MIPOL1: variants seen among roughly 807,000 people sequenced by gnomAD.
MIPOL1 encodes mirror-image polydactyly gene 1 protein.
A neutral mutation model predicts 60.9 loss-of-function variants in MIPOL1; 57 were observed. That is an observed-to-expected ratio of 0.94 (90% confidence interval 0.76 to 1.17). MIPOL1 has a LOEUF of 1.17. MIPOL1 is among the 50% of genes most tolerant of loss of function. The pLI is 0.00. For synonymous variants in MIPOL1, 179 were observed against 168.8 expected, an observed-to-expected ratio of 1.06 and a Z score of -0.47; for missense variants, 551 against 511.6, an observed-to-expected ratio of 1.08 and a Z score of -0.74.
chr14:37,540,229 A>C (rs1403815890), intron 12 of MIPOL1, among the ~76,000 whole-genome samples: 1 of 152,186 alleles, frequency 6.6e-6, no homozygotes, highest in African/African-American at 2.4e-5. Flanking sequence ...ATGACTTTTC[A>C]ACCCATTTTC....
intron 9 of MIPOL1, among the ~76,000 whole-genome samples, chr14:37,339,222 A>G (rs958628699): frequency 6.6e-6 from 1 of 152,240 alleles, no homozygotes; most frequent in African/African-American, 2.4e-5. Flanking sequence ...TTCATTATCA[A>G]TTGTGATCAG....
At chr14:37,242,983 A>G (rs938342724) in intron 1 of MIPOL1, among the ~76,000 whole-genome samples, 1 of 152,224 alleles carries the variant, frequency 6.6e-6, no homozygotes, top group Non-Finnish European at 1.5e-5. Context: ...ATAGCAAGAT[A>G]AAAGCTCTGA....
At chr14:37,435,878 G>C (rs1202554935) in intron 11 of MIPOL1, among the ~76,000 whole-genome samples, 2 of 152,104 alleles carry the variant, frequency 1.3e-5, no homozygotes, top group African/African-American at 4.8e-5. Context: ...TTAATGCTTA[G>C]AAATGATAAT....
intron 10 of MIPOL1, among the ~76,000 whole-genome samples, chr14:37,378,143 G>A (rs1326957864): frequency 6.6e-6 from 1 of 152,008 alleles, no homozygotes; most frequent in African/African-American, 2.4e-5. Context: ...TTATTATAAA[G>A]TTAAATTTAT....
chr14:37,413,054 AGAG>A (rs1477650642), intron 10 of MIPOL1, among the ~76,000 whole-genome samples: 42 of 152,128 alleles, frequency 2.8e-4, no homozygotes, highest in South Asian at 1.7e-3. Flanking sequence ...GGAATAAAAG[AGAG>A]TTCAATGCCA....
chr14:37,241,245 C>T (rs1228187945), intron 1 of MIPOL1, among the ~76,000 whole-genome samples: 1 of 152,112 alleles, frequency 6.6e-6, no homozygotes, highest in Non-Finnish European at 1.5e-5. Flanking sequence ...TTCTAGAGGT[C>T]AGTCTTTTTG....
chr14:37,216,142 TATATC>T (rs1967651501), intron 1 of MIPOL1, among the ~76,000 whole-genome samples: 1 of 151,492 alleles, frequency 6.6e-6, no homozygotes, highest in African/African-American at 2.4e-5. Flanking sequence ...AGGAGCTAGT[TATATC>T]AGGCAAAATA....
chr14:37,318,029 T>C (rs1405339769), intron 9 of MIPOL1, among the ~76,000 whole-genome samples: 1 of 152,168 alleles, frequency 6.6e-6, no homozygotes, highest in African/African-American at 2.4e-5. Flanking sequence ...TGCTAGAACT[T>C]TCCTAGCCTG....
chr14:37,243,850 A>G (rs992913155), intron 1 of MIPOL1, among the ~76,000 whole-genome samples: 1 of 152,186 alleles, frequency 6.6e-6, no homozygotes, highest in South Asian at 2.1e-4. Flanking sequence ...TAGGCAGATT[A>G]GAAATTTCAG....
chr14:37,198,498 T>TTTCTC (rs1225171195), intron 1 of MIPOL1, among the ~76,000 whole-genome samples: 3 of 151,430 alleles, frequency 2.0e-5, no homozygotes, highest in African/African-American at 7.3e-5. Context: ...TTATATTTCA[T>TTTCTC]TTCTCACACG....
chr14:37,504,762 G>C (rs2095258837), intron 12 of MIPOL1: 2 of 152,144 alleles, frequency 1.3e-5, no homozygotes, highest in Non-Finnish European at 2.9e-5. Flanking sequence ...GATCAGAGCA[G>C]AACTGAAGAA....
intron 1 of MIPOL1, among the ~76,000 whole-genome samples, chr14:37,224,638 A>G (rs1969393712): frequency 6.6e-6 from 1 of 152,104 alleles, no homozygotes; most frequent in Non-Finnish European, 1.5e-5. Flanking sequence ...CTCCTACAAC[A>G]TGAGGGAATT....
At chr14:37,315,252 C>T (rs960404452) in intron 9 of MIPOL1, among the ~76,000 whole-genome samples, 1 of 152,126 alleles carries the variant, frequency 6.6e-6, no homozygotes, top group African/African-American at 2.4e-5. Flanking sequence ...AGTGCCCTGA[C>T]AGAGTGAACA....
intron 9 of MIPOL1, among the ~76,000 whole-genome samples, chr14:37,336,126 A>G (rs1325292143): frequency 3.9e-5 from 5 of 128,412 alleles, no homozygotes; most frequent in Non-Finnish European, 8.0e-5. Flanking sequence ...TTTTTTTTGC[A>G]TGTGGATATT....
At chr14:37,293,271 G>T (rs576208231) in intron 7 of MIPOL1, among the ~76,000 whole-genome samples, 13 of 152,156 alleles carry the variant, frequency 8.5e-5, no homozygotes, top group African/African-American at 2.9e-4. Flanking sequence ...AGGTAATCTA[G>T]CCAAAATAAT....
chr14:37,539,391 G>T (rs1718171641), intron 12 of MIPOL1, among the ~76,000 whole-genome samples: 1 of 152,144 alleles, frequency 6.6e-6, no homozygotes, highest in South Asian at 2.1e-4. Context: ...AGGTATTAGT[G>T]GGTGAGCCTT....
chr14:37,385,865 A>G (rs2093053199), intron 10 of MIPOL1: 6 of 152,100 alleles, frequency 3.9e-5, no homozygotes. Context: ...AGAGAGAAAC[A>G]AAAGAAAATT....
intron 11 of MIPOL1, among the ~76,000 whole-genome samples, chr14:37,482,068 T>C (rs1188803337): frequency 6.6e-6 from 1 of 151,830 alleles, no homozygotes; most frequent in African/African-American, 2.4e-5. Context: ...AAGAAAAAAA[T>C]AGACAGATGA....
chr14:37,255,859 A>T, intron 3 of MIPOL1, among the ~76,000 whole-genome samples: 1 of 148,276 alleles, frequency 6.7e-6, no homozygotes, highest in East Asian at 1.9e-4. Flanking sequence ...TTTTATATTT[A>T]TCTTTTGACA....
Sources: gnomAD v4.1 joint callset for allele counts (sites outside exome capture counted in the v4.1 genomes callset) on GRCh38, gnomAD v4.1.1 for gene constraint, MANE v1.5 for transcripts, NCBI Gene and HGNC (gene_info 2026-07-23, HGNC 2026-07-21) for gene names.